UBA6: variants seen among roughly 807,000 people sequenced by gnomAD.
UBA6 encodes the protein ubiquitin like modifier activating enzyme 6, also known as ubiquitin-like modifier-activating enzyme 6.
In UBA6, 87 loss-of-function variants were observed where a neutral mutation model predicts 148.3. That is an observed-to-expected ratio of 0.59 (90% CI 0.49 to 0.70). UBA6 has a LOEUF of 0.70. Ranked by LOEUF, UBA6 falls within the 30% of genes least tolerant of loss-of-function variation. UBA6 has a pLI of 0.00. For missense variants in UBA6, 1,186 were observed against 1,241.2 expected (o/e 0.96, Z 0.67); for synonymous variants, 376 against 401.0 (o/e 0.94, Z 0.75).
chr4:67,615,790 C>T lies in UBA6; in HGVS notation c.*3207G>A, dbSNP rs762417569. The stretch of plus-strand genomic sequence containing the variant: ...ATTTTAAATAAAACTCAAAAACAAG[C>T]AAACTGTATTGTTTAAGTTTACACA... On this transcript the variant is annotated 3_prime_UTR_variant, in exon 33 of 33. Transcript: ENST00000322244. 4.7e-6 allele frequency: 1 copy of T among 213,418 alleles called. No homozygotes were observed. Among genetic ancestry groups the T allele is most frequent in the Non-Finnish European group, 9.2e-6 (1 of 109,122 alleles). 13.2% of individuals were successfully genotyped at this position (213,418 alleles called of 1,614,324 possible). A position where few individuals can be genotyped will look rare whatever the true frequency, so the allele number is the denominator to read the frequency against.
At chr4:67,685,816 T>C (rs1455351495) in intron 2 of UBA6, among the ~76,000 whole-genome samples, 2 of 152,102 alleles carry the variant, frequency 1.3e-5, no homozygotes, top group Admixed American at 6.5e-5. Context: ...CCTTCCACCA[T>C]GGGACGATGC....
chr4:67,673,096 A>G (rs557693047), intron 7 of UBA6, among the ~76,000 whole-genome samples: 2 of 152,228 alleles, frequency 1.3e-5, no homozygotes, highest in African/African-American at 4.8e-5. Flanking sequence ...TCTCCAATAC[A>G]TAGATAGTCA....
intron 17 of UBA6, among the ~76,000 whole-genome samples, chr4:67,644,128 T>C (rs1577804123): frequency 6.6e-6 from 1 of 152,120 alleles, no homozygotes; most frequent in Non-Finnish European, 1.5e-5. Flanking sequence ...AAATCACTAA[T>C]GGAAGACAGT....
chr4:67,696,490 C>CAT (rs200504164), intron 2 of UBA6, among the ~76,000 whole-genome samples, 155 bp downstream of exon 2: 2,058 of 149,958 alleles, frequency 0.014, 49 homozygotes, highest in African/African-American at 0.045. Flanking sequence ...TATACACACA[C>CAT]ATATATATAC....
chr4:67,634,361 G>T, intron 21 of UBA6, 39 bp from the exon 22 acceptor site: 2 of 1,555,878 alleles, frequency 1.3e-6, no homozygotes, highest in Non-Finnish European at 1.7e-6. Context: ...ACAAATAGAA[G>T]TCTGTTTAAA....
chr4:67,691,715 G>A (rs940087269), intron 2 of UBA6, among the ~76,000 whole-genome samples: 7 of 151,946 alleles, frequency 4.6e-5, no homozygotes, highest in African/African-American at 1.7e-4. Context: ...TGAATTGCTT[G>A]ATTATGTACT....
intron 11 of UBA6, 44 bp from the exon 12 acceptor site, chr4:67,663,259 G>A: frequency 7.4e-7 from 1 of 1,356,374 alleles, no homozygotes; most frequent in Non-Finnish European, 1.0e-6. Flanking sequence ...CTGAGTGGTT[G>A]TATGTCCCAG....
intron 32 of UBA6, among the ~76,000 whole-genome samples, chr4:67,620,078 C>G (rs910219236): frequency 1.3e-5 from 2 of 152,080 alleles, no homozygotes; most frequent in Non-Finnish European, 2.9e-5. Flanking sequence ...TATTTTGTCC[C>G]GTACATAAAC....
At chr4:67,663,346 A>G in intron 11 of UBA6, 131 bp from the exon 12 acceptor site, 2 of 573,454 alleles carry the variant, frequency 3.5e-6, no homozygotes, top group Non-Finnish European at 6.1e-6. Context: ...TATTAACTCT[A>G]TTTAACAAAT....
At chr4:67,679,499 T>C (rs983517146) in intron 4 of UBA6, among the ~76,000 whole-genome samples, 2 of 152,248 alleles carry the variant, frequency 1.3e-5, no homozygotes, top group Non-Finnish European at 2.9e-5. Context: ...TTATTTAAAG[T>C]GACTTTTAAA....
At chr4:67,636,673 C>CA (rs1354067413) in intron 19 of UBA6, among the ~76,000 whole-genome samples, 5 of 152,264 alleles carry the variant, frequency 3.3e-5, no homozygotes, top group Admixed American at 1.3e-4. Context: ...GGATTGCAGA[C>CA]AGAGTCTCCT....
chr4:67,629,121 A>C lies in UBA6; in HGVS notation c.2350T>G (p.Leu784Val). ...ATCTTTACTTCTGAAAGAATATTCAAGAGGGCATCTGCTGATAAGTCCTGT... is the reference window on the plus strand; with the variant it reads ...ATCTTTACTTCTGAAAGAATATTCACGAGGGCATCTGCTGATAAGTCCTGT... Reference protein sequence around the residue: ...AEEDLSADALLNILSEVKIQE... With the variant: ...AEEDLSADALVNILSEVKIQE... The change falls in exon 27 of 33, where the codon TTG becomes GTG. Residue 784 changes from leucine (L) to valine (V), a missense_variant. By Grantham distance (32) the Leu-to-Val change is conservative. Coordinates refer to ENST00000322244, the MANE Select transcript of UBA6 (RefSeq NM_018227.6). The C allele has an allele frequency of 6.2e-7, 1 of 1,609,470 alleles. No individual in the cohort carries two copies. Among genetic ancestry groups the C allele is most frequent in the African/African-American group, 1.3e-5 (1 of 74,930 alleles).
intron 18 of UBA6, 102 bp from the exon 19 acceptor site, chr4:67,639,226 T>G: frequency 1.1e-6 from 1 of 922,434 alleles, no homozygotes; most frequent in Non-Finnish European, 1.6e-6. Flanking sequence ...AGTTCAGTCA[T>G]AGTCCATACA....
rs536059612 is a variant in UBA6, at chr4:67,638,719, G to A, written c.1736+224C>T. Among the ~76,000 whole-genome samples the A allele has an allele frequency of 1.6e-4, 25 of 152,288 alleles. 2 individuals are homozygous for A. In the South Asian group the frequency reaches 4.6e-3, roughly 28 times the overall value. On this transcript the variant is annotated intron_variant, in intron 19 of 32. Transcript: ENST00000322244. ...CTGGTAAATGTTACTCTGGCATGGT[G>A]AACAGGTGAAAAGTACTCCATGAAA...
At chr4:67,631,952 ATC>A (rs1729009382) in intron 23 of UBA6, 44 bp from the exon 24 acceptor site, 1 of 1,538,680 alleles carries the variant, frequency 6.5e-7, no homozygotes, top group Non-Finnish European at 8.8e-7. Flanking sequence ...ACTTAATATT[ATC>A]TGAGGAAAAA....
At chr4:67,685,158 G>A (rs564799732) in intron 2 of UBA6, among the ~76,000 whole-genome samples, 1 of 152,066 alleles carries the variant, frequency 6.6e-6, no homozygotes, top group South Asian at 2.1e-4. Context: ...AAGATAACTA[G>A]TCTCAATTTT....
chr4:67,682,551 T>C (rs1263280601), intron 2 of UBA6, among the ~76,000 whole-genome samples: 1 of 152,190 alleles, frequency 6.6e-6, no homozygotes, highest in Non-Finnish European at 1.5e-5. Context: ...GTGGCCACTA[T>C]AAGCATTTGA....
rs373476906 is a variant in UBA6, at chr4:67,645,927, T to C, written c.1395+11A>G. Reference sequence around the variant, plus strand: ...TTTGAACATACTATTCCCATGATTATTGATACTTACTAAGAAGATGTTTAA... The same window carrying C: ...TTTGAACATACTATTCCCATGATTACTGATACTTACTAAGAAGATGTTTAA... On this transcript the variant is annotated intron_variant, in intron 16 of 32. Transcript: ENST00000322244. 131 of 1,537,112 alleles carry C rather than the reference T, an allele frequency of 8.5e-5. No individual in the cohort carries two copies. Among genetic ancestry groups the C allele is most frequent in the Non-Finnish European group, 1.1e-4 (126 of 1,122,500 alleles).
chr4:67,655,575 C>T (rs1729666127), intron 13 of UBA6, among the ~76,000 whole-genome samples: 1 of 152,112 alleles, frequency 6.6e-6, no homozygotes. Flanking sequence ...TAAATGCCCA[C>T]AAGAGAAAGC....
Sources: allele counts gnomAD v4.1 joint callset (sites outside exome capture counted in the v4.1 genomes callset), GRCh38; gene constraint gnomAD v4.1.1; transcripts MANE v1.5; gene names NCBI Gene and HGNC (gene_info 2026-07-23, HGNC 2026-07-21).